FAM107A: variants seen among roughly 807,000 people sequenced by gnomAD.
The protein encoded by FAM107A is actin-associated protein FAM107A.
FAM107A carries 19 observed loss-of-function variants against 13.7 expected under a neutral mutation model. The ratio of observed to expected loss-of-function variants is 1.38; its 90% confidence interval spans 0.97 to 2.03. FAM107A has a LOEUF of 2.03. Ranked by LOEUF, FAM107A falls within the 30% of genes most tolerant of loss-of-function variation. The pLI is 0.00. For synonymous variants in FAM107A, 82 were observed against 74.5 expected (o/e 1.10, Z -0.52); for missense variants, 203 against 184.4 (o/e 1.10, Z -0.58).
At chr3:58,602,906 A>C (rs1199704732) in intron 1 of FAM107A, among the ~76,000 whole-genome samples, 1 of 151,938 alleles carries the variant, frequency 6.6e-6, no homozygotes, top group Non-Finnish European at 1.5e-5. Context: ...ATATGTGTAT[A>C]TGTATGTGTG....
At chr3:58,600,781 G>A (rs1410123533) in intron 1 of FAM107A, among the ~76,000 whole-genome samples, 1 of 152,160 alleles carries the variant, frequency 6.6e-6, no homozygotes, top group Non-Finnish European at 1.5e-5. Flanking sequence ...AGATCAGGGG[G>A]AGAAATGCCA....
exon 1 of FAM107A, chr3:58,587,021 G>A (rs1575447265): frequency 1.4e-6 from 2 of 1,380,176 alleles, no homozygotes; most frequent in East Asian, 3.0e-5. Context: ...AAGCGCCTCC[G>A]CGACGGTGAC....
chr3:58,567,471 A>C, intron 2 of FAM107A, 107 bp from the exon 3 acceptor site: 1 of 1,278,946 alleles, frequency 7.8e-7, no homozygotes, highest in Non-Finnish European at 1.1e-6. Context: ...ATCTTGTGCA[A>C]TCCTCCCTGT....
chr3:58,593,082 C>T (rs1446175409), intron 1 of FAM107A, among the ~76,000 whole-genome samples: 1 of 152,142 alleles, frequency 6.6e-6, no homozygotes, highest in African/African-American at 2.4e-5. Flanking sequence ...ACTCCAACTG[C>T]CTTCTGCCTG....
upstream of FAM107A, chr3:58,589,337 A>T: frequency 7.8e-6 from 8 of 1,029,850 alleles, no homozygotes. Context: ...GGGGTGATAT[A>T]TTCACAATGT....
In FAM107A at chr3:58,612,168, G is replaced by A. The variant is rs532604162; in HGVS notation, c.-70+15248C>T. Among the ~76,000 whole-genome samples, 282 of 152,122 alleles carry A rather than the reference G, an allele frequency of 1.9e-3. 5 individuals carry two copies. The South Asian group carries it at 0.044, about 24-fold the overall frequency. Reference sequence around the variant, plus strand: ...ATCCCAAAGAAAGAATAAAGGATGCGCACCAAAATATATCTACTAAGATGT... The same window carrying A: ...ATCCCAAAGAAAGAATAAAGGATGCACACCAAAATATATCTACTAAGATGT... On this transcript the variant is annotated intron_variant, in intron 1 of 3. Coordinates refer to the FAM107A transcript ENST00000465970.
In FAM107A at chr3:58,566,588, CTACAGCTCTCTCTCTTCGCTGGTCA is replaced by C; in HGVS notation, c.410_434del (p.Leu137ArgfsTer77). On this transcript the variant is annotated frameshift_variant and stop_lost, in exon 4 of 4. Coordinates refer to ENST00000360997, the MANE Select transcript of FAM107A (RefSeq NM_001076778.3). LOFTEE classifies it high-confidence loss of function. ...AGTGGCCTGAGCCCGGCAGCTGGCC[CTACAGCTCTCTCTCTTCGCTGGTCA>C]GTGTGGCAATTCTCCGCAGGTTTTC... is the stretch of plus-strand genomic sequence containing the variant. 6.2e-7 allele frequency: 1 copy of C among 1,611,952 alleles called. No individual in the cohort carries two copies. Among genetic ancestry groups the C allele is most frequent in the Non-Finnish European group, 8.5e-7 (1 of 1,178,528 alleles).
At position 58,566,315 on chromosome 3, in the gene FAM107A, G is replaced by C. The variant is rs866621251; in HGVS notation, c.*273C>G. 11 of 387,252 alleles carry C rather than the reference G, an allele frequency of 2.8e-5. No homozygotes were observed. The highest frequency in any genetic ancestry group is 1.4e-3 in the Middle Eastern group (2 of 1,440). The allele number at this position is 387,252 out of a possible 1,614,324, so 24.0% of individuals were successfully genotyped here. ...TTCCTCCTCAATTCTGCCAGAGAAA[G>C]CTCCTGTGCTGGGCTCTGAACCCCT... On this transcript the variant is annotated 3_prime_UTR_variant, in exon 4 of 4. Transcript: ENST00000360997.
intron 1 of FAM107A, among the ~76,000 whole-genome samples, chr3:58,583,772 C>T (rs6800660): frequency 6.6e-6 from 1 of 151,854 alleles, no homozygotes; most frequent in African/African-American, 2.4e-5. Context: ...CCTCAACTCT[C>T]TGGGCTCAAG....
At chr3:58,607,463 T>C (rs2065805694) in intron 1 of FAM107A, among the ~76,000 whole-genome samples, 1 of 152,166 alleles carries the variant, frequency 6.6e-6, no homozygotes, top group Admixed American at 6.5e-5. Context: ...GGTGTGGTCC[T>C]CTACCTCTCC....
intron 1 of FAM107A, among the ~76,000 whole-genome samples, chr3:58,597,883 C>T (rs1313903602): frequency 6.6e-6 from 1 of 152,188 alleles, no homozygotes; most frequent in Non-Finnish European, 1.5e-5. Context: ...AGACTTGAGG[C>T]AGTCTGACTC....
chr3:58,584,247 C>T (rs1036151168), intron 1 of FAM107A, among the ~76,000 whole-genome samples: 1 of 152,258 alleles, frequency 6.6e-6, no homozygotes, highest in Admixed American at 6.5e-5. Context: ...TAGGGGTTTC[C>T]ATTACTCTGC....
intron 1 of FAM107A, among the ~76,000 whole-genome samples, chr3:58,583,515 A>G (rs957463023): frequency 2.0e-5 from 3 of 151,978 alleles, no homozygotes; most frequent in Admixed American, 6.6e-5. Context: ...CCAGCTACTC[A>G]GGAGGCTGAG....
chr3:58,614,608 G>A (rs766788466), intron 1 of FAM107A, among the ~76,000 whole-genome samples: 1 of 151,638 alleles, frequency 6.6e-6, no homozygotes, highest in Non-Finnish European at 1.5e-5. Flanking sequence ...GGGTTCAAGC[G>A]ATTCTCTTGC....
chr3:58,614,775 G>A (rs1249216712), intron 1 of FAM107A, among the ~76,000 whole-genome samples: 3 of 151,860 alleles, frequency 2.0e-5, no homozygotes, highest in Non-Finnish European at 4.4e-5. Context: ...AAAGTGCTGG[G>A]ATTACAGGTG....
At chr3:58,627,183 A>T in intron 1 of FAM107A, 9 of 606,096 alleles carry the variant, frequency 1.5e-5, no homozygotes, top group Non-Finnish European at 2.0e-5. Context: ...CGCCTCAGAC[A>T]GGCTTAGGGC....
chr3:58,605,899 C>T (rs1003310473), intron 1 of FAM107A, among the ~76,000 whole-genome samples: 4 of 152,156 alleles, frequency 2.6e-5, no homozygotes, highest in Non-Finnish European at 4.4e-5. Flanking sequence ...CTTTGTGTGG[C>T]CCCTGCTTTC....
chr3:58,599,629 T>C (rs959149964), intron 1 of FAM107A, among the ~76,000 whole-genome samples: 1 of 149,082 alleles, frequency 6.7e-6, no homozygotes, highest in Non-Finnish European at 1.5e-5. Flanking sequence ...TTGATCTGAG[T>C]GGTGGTTACA....
At chr3:58,602,052 A>C (rs2065757204) in intron 1 of FAM107A, among the ~76,000 whole-genome samples, 1 of 152,164 alleles carries the variant, frequency 6.6e-6, no homozygotes. Context: ...TGTATGAGGC[A>C]GAGCTTTGAG....
Sources: allele counts gnomAD v4.1 joint callset (sites outside exome capture counted in the v4.1 genomes callset), GRCh38; gene constraint gnomAD v4.1.1; transcripts MANE v1.5; gene names NCBI Gene and HGNC (gene_info 2026-07-23, HGNC 2026-07-21).